The following LIN9 variants were observed in gnomAD, a reference collection of about 807,000 sequenced individuals.
The protein encoded by LIN9 is lin-9 DREAM MuvB core complex component.
LIN9 carries 18 observed loss-of-function variants against 78.0 expected under a neutral mutation model. That is an observed-to-expected ratio of 0.23 (90% confidence interval 0.16 to 0.34). The LOEUF (loss-of-function observed/expected upper bound fraction) is 0.34, where lower values mean the gene tolerates loss of function less well. LIN9 is among the 10% of genes least tolerant of loss of function. The pLI, the probability that LIN9 is intolerant of heterozygous loss-of-function variation, is 1.00. For synonymous variants in LIN9, 192 were observed against 215.2 expected (o/e 0.89, Z 0.94); for missense variants, 451 against 644.1 (o/e 0.70, Z 3.25).
chr1:226,285,906 T>A (rs1439259876), intron 6 of LIN9, among the ~76,000 whole-genome samples: 1 of 152,154 alleles, frequency 6.6e-6, no homozygotes, highest in Non-Finnish European at 1.5e-5. Context: ...ACTAAAAAAT[T>A]ACGTTGAAAA....
Position 226,265,419 on chromosome 1 carries a change from TTAAAACCTACACGGTGA to T in LIN9, c.1038+97_1038+113del. ...CAGGCTTTGTTGGAAATAGCAGCTC[TTAAAACCTACACGGTGA>T]TAAACCTACACGGCCCTAGAAAAAT... On this transcript the variant is annotated intron_variant, in intron 10 of 14. Transcript: ENST00000681046. This position sits in a 1 kb window ranked among gnomAD's most constrained non-coding sequence, Gnocchi z 4.1. 1 of 538,454 alleles carries T rather than the reference TTAAAACCTACACGGTGA, an allele frequency of 1.9e-6. No homozygotes were observed. Among genetic ancestry groups the T allele is most frequent in the Non-Finnish European group, 3.3e-6 (1 of 303,580 alleles). The allele number at this position is 538,454 out of a possible 1,614,324, so 33.4% of individuals were successfully genotyped here.
At chr1:226,245,884 T>C (rs1011586528) in intron 11 of LIN9, among the ~76,000 whole-genome samples, 4 of 152,238 alleles carry the variant, frequency 2.6e-5, no homozygotes, top group African/African-American at 4.8e-5. Context: ...AACATTTTTA[T>C]TGTTCCATTT....
At chr1:226,255,473 T>C (rs1659125229) in intron 10 of LIN9, among the ~76,000 whole-genome samples, 1 of 152,090 alleles carries the variant, frequency 6.6e-6, no homozygotes, top group Admixed American at 6.6e-5. Flanking sequence ...GTCCAGAGGC[T>C]CAGGCTGACA....
chr1:226,244,079 T>C (rs532329572), intron 11 of LIN9, among the ~76,000 whole-genome samples: 1 of 150,178 alleles, frequency 6.7e-6, no homozygotes, highest in African/African-American at 2.4e-5. Context: ...TTTCACCATG[T>C]TGGCCAGGCT....
At chr1:226,306,532 A>C (rs1231320324) in intron 1 of LIN9, among the ~76,000 whole-genome samples, 1 of 152,196 alleles carries the variant, frequency 6.6e-6, no homozygotes, top group African/African-American at 2.4e-5. Context: ...GATATCAAGA[A>C]AGGGAGCTCA....
chr1:226,269,055 C>A (rs1264689987), intron 7 of LIN9, among the ~76,000 whole-genome samples: 1 of 152,112 alleles, frequency 6.6e-6, no homozygotes, highest in Admixed American at 6.6e-5. Context: ...TCAGAGAAAT[C>A]CAAACAAACA....
rs960794055 is a variant in LIN9 at position 226,232,053 on chromosome 1, C to T, written c.*448G>A. On this transcript the variant is annotated 3_prime_UTR_variant, in exon 15 of 15. Transcript: ENST00000681046. ...ATCTTTTGAAGACTGAGATGGTGAT[C>T]AACTAAATCAAGTGGAGTTGTAATT... 1.0e-5 allele frequency: 4 copies of T among 398,254 alleles called. No homozygotes were observed. Among genetic ancestry groups the T allele is most frequent in the African/African-American group, 6.2e-5 (3 of 48,534 alleles). 24.7% of individuals were successfully genotyped at this position (398,254 alleles called of 1,614,324 possible). A position where few individuals can be genotyped will look rare whatever the true frequency, so the allele number is the denominator to read the frequency against.
At chr1:226,285,423 C>A (rs1012182942) in intron 6 of LIN9, among the ~76,000 whole-genome samples, 1 of 152,116 alleles carries the variant, frequency 6.6e-6, no homozygotes, top group Non-Finnish European at 1.5e-5. Flanking sequence ...TATTTCATCA[C>A]CATCTAAAGA....
At chr1:226,272,562 T>C (rs1660360870) in intron 7 of LIN9, among the ~76,000 whole-genome samples, 1 of 147,464 alleles carries the variant, frequency 6.8e-6, no homozygotes, top group African/African-American at 2.5e-5. Context: ...TTTTTTTTAA[T>C]GTTTGTAGAG....
At position 226,299,269 on chromosome 1, in the gene LIN9, C is replaced by T. The variant is rs562311452; in HGVS notation, c.65-1456G>A. On this transcript the variant is annotated intron_variant, in intron 2 of 14. Transcript: ENST00000681046. Reference sequence around the variant, plus strand: ...CTGTAATCCCAGCACATTGGGAGGCCAAAGTGGGAGGATCACCTGAGGTCA... The same window carrying T: ...CTGTAATCCCAGCACATTGGGAGGCTAAAGTGGGAGGATCACCTGAGGTCA... Among the ~76,000 whole-genome samples, 13 of 151,860 alleles carry T rather than the reference C, an allele frequency of 8.6e-5. No homozygotes were observed. The South Asian group carries it at 2.5e-3, about 29-fold the overall frequency.
At chr1:226,301,308 T>C (rs1378445654) in intron 1 of LIN9, 103 bp from the exon 2 acceptor site, 3 of 803,164 alleles carry the variant, frequency 3.7e-6, no homozygotes, top group African/African-American at 3.5e-5. Flanking sequence ...TTTAGTAATG[T>C]TGAGTTTGAA....
At chr1:226,293,798 T>C (rs1374064866) in intron 4 of LIN9, among the ~76,000 whole-genome samples, 1 of 152,228 alleles carries the variant, frequency 6.6e-6, no homozygotes, top group Non-Finnish European at 1.5e-5. Flanking sequence ...CATCAAGTGA[T>C]CCTGCCTTGG....
chr1:226,275,535 A>G (rs1421677101), intron 7 of LIN9, among the ~76,000 whole-genome samples: 5 of 151,560 alleles, frequency 3.3e-5, no homozygotes. Flanking sequence ...CTCTACTAAA[A>G]ATACAAAATA....
At chr1:226,252,902 G>A (rs1658929601) in intron 10 of LIN9, among the ~76,000 whole-genome samples, 1 of 152,118 alleles carries the variant, frequency 6.6e-6, no homozygotes, top group Admixed American at 6.5e-5. Flanking sequence ...GGGAGGCAGA[G>A]GCTGCAGTGA....
At chr1:226,248,043 C>T (rs1658597335) in intron 11 of LIN9, among the ~76,000 whole-genome samples, 1 of 152,122 alleles carries the variant, frequency 6.6e-6, no homozygotes, top group Non-Finnish European at 1.5e-5. Context: ...CCAGAGGAAA[C>T]AGTTATTTAC....
rs1366261145 is a variant in LIN9, at chr1:226,293,405, T to C, written c.264+2437A>G. 2.0e-5 allele frequency among the ~76,000 whole-genome samples: 3 copies of C among 152,348 alleles called. No individual in the cohort carries two copies. In the East Asian group the frequency reaches 5.8e-4, roughly 29 times the overall value. ...CAGTCATAAAGATCAGTTTTCTGTA[T>C]GTTTGTGAATCATCTAGATTATCCT... On this transcript the variant is annotated intron_variant, in intron 4 of 14. Coordinates refer to ENST00000681046, the MANE Select transcript of LIN9 (RefSeq NM_001366245.2).
At chr1:226,252,281 A>AAAATAAATAAATAAATAAAT (rs59130234) in intron 10 of LIN9, among the ~76,000 whole-genome samples, 203 of 140,848 alleles carry the variant, frequency 1.4e-3, no homozygotes, top group Non-Finnish European at 2.0e-3. Context: ...ACCCCATCTC[A>AAAATAAATAAATAAATAAAT]AAATAAATAA....
intron 10 of LIN9, among the ~76,000 whole-genome samples, chr1:226,251,733 G>A (rs1479294435): frequency 1.3e-5 from 2 of 152,122 alleles, no homozygotes; most frequent in Non-Finnish European, 2.9e-5. Context: ...ATTGTAACTA[G>A]GACATGTCAA....
At position 226,259,611 on chromosome 1, in the gene LIN9, T is replaced by C. The variant is rs1659433000; in HGVS notation, c.1038+5922A>G. Among the ~76,000 whole-genome samples, 6 of 152,228 alleles carry C rather than the reference T, an allele frequency of 3.9e-5. No homozygotes were observed. The South Asian group carries it at 1.2e-3, about 32-fold the overall frequency. Reference sequence around the variant, plus strand: ...TACAATGTATGCTCTTACACCACAATGAACTTCTACTAGAAATCAATAACA... The same window carrying C: ...TACAATGTATGCTCTTACACCACAACGAACTTCTACTAGAAATCAATAACA... On this transcript the variant is annotated intron_variant, in intron 10 of 14. Transcript: ENST00000681046.
Sources: allele counts gnomAD v4.1 joint callset (sites outside exome capture counted in the v4.1 genomes callset), GRCh38; gene constraint gnomAD v4.1.1; non-coding constraint Gnocchi (gnomAD v3.1); transcripts MANE v1.5; gene names NCBI Gene and HGNC (gene_info 2026-07-23, HGNC 2026-07-21).